The following CDKAL1 variants were observed in gnomAD, a reference collection of about 807,000 sequenced individuals.
The protein encoded by CDKAL1 is CDKAL1 threonylcarbamoyladenosine tRNA methylthiotransferase, also known as threonylcarbamoyladenosine tRNA methylthiotransferase.
A neutral mutation model predicts 68.2 loss-of-function variants in CDKAL1; 32 were observed. The ratio of observed to expected loss-of-function variants is 0.47; its 90% CI spans 0.35 to 0.63. The LOEUF is 0.63. Ranked by LOEUF, CDKAL1 falls within the 30% of genes least tolerant of loss-of-function variation. The pLI is 0.00. For missense variants in CDKAL1, 606 were observed against 696.7 expected, an observed-to-expected ratio of 0.87 and a Z score of 1.47; for synonymous variants, 234 against 244.3, an observed-to-expected ratio of 0.96 and a Z score of 0.39.
intron 11 of CDKAL1, among the ~76,000 whole-genome samples, chr6:21,004,412 AT>A (rs1767614676): frequency 6.6e-6 from 1 of 152,214 alleles, no homozygotes; most frequent in Admixed American, 6.5e-5. Context: ...GCATATGGGA[AT>A]TTATTAAATC....
At chr6:21,113,194 T>A (rs1020973188) in intron 13 of CDKAL1, among the ~76,000 whole-genome samples, 6 of 152,202 alleles carry the variant, frequency 3.9e-5, no homozygotes, top group Non-Finnish European at 5.9e-5. Context: ...ATAATTGGGA[T>A]CAGTTTACAT....
intron 5 of CDKAL1, among the ~76,000 whole-genome samples, chr6:20,698,387 C>T (rs566106965): frequency 1.3e-5 from 2 of 152,284 alleles, no homozygotes; most frequent in South Asian, 2.1e-4. Context: ...GGTACATTCC[C>T]GTTAACTCAA....
chr6:20,792,879 G>T (rs1416177012), intron 8 of CDKAL1, among the ~76,000 whole-genome samples: 1 of 152,148 alleles, frequency 6.6e-6, no homozygotes, highest in African/African-American at 2.4e-5. Context: ...AAATAATTTT[G>T]TTTTAGTCTA....
intron 9 of CDKAL1, among the ~76,000 whole-genome samples, chr6:20,949,615 TA>T (rs1307229408): frequency 6.6e-6 from 1 of 152,168 alleles, no homozygotes; most frequent in Non-Finnish European, 1.5e-5. Flanking sequence ...GGCATCATGA[TA>T]GGTCCTAGGC....
At chr6:21,224,414 T>TCAAA (rs1451906146) in intron 15 of CDKAL1, among the ~76,000 whole-genome samples, 1 of 152,056 alleles carries the variant, frequency 6.6e-6, no homozygotes, top group Non-Finnish European at 1.5e-5. Flanking sequence ...CTCGGGAGGC[T>TCAAA]CAAACAGGAG....
chr6:21,016,494 A>G (rs1768340049), intron 11 of CDKAL1, among the ~76,000 whole-genome samples: 1 of 151,896 alleles, frequency 6.6e-6, no homozygotes, highest in Admixed American at 6.6e-5. Flanking sequence ...TAAATTTCTA[A>G]TTGTGGACTC....
intron 11 of CDKAL1, among the ~76,000 whole-genome samples, chr6:21,019,114 A>G (rs1018552560): frequency 6.6e-6 from 1 of 151,950 alleles, no homozygotes; most frequent in Admixed American, 6.6e-5. Flanking sequence ...ATGCCTGGCT[A>G]ATTTTTATAT....
At chr6:21,014,498 C>T (rs1768201570) in intron 11 of CDKAL1, among the ~76,000 whole-genome samples, 1 of 151,968 alleles carries the variant, frequency 6.6e-6, no homozygotes, top group Non-Finnish European at 1.5e-5. Context: ...GTAGTCCCGG[C>T]TACTCAGGAG....
At chr6:21,220,916 CAGCACTTTGG>C (rs1427180204) in intron 15 of CDKAL1, among the ~76,000 whole-genome samples, 1 of 152,094 alleles carries the variant, frequency 6.6e-6, no homozygotes, top group Admixed American at 6.5e-5. Flanking sequence ...CCTGTAATCC[CAGCACTTTGG>C]GAGGCCGAGG....
chr6:20,685,067 AG>A (rs1396570166), intron 5 of CDKAL1, among the ~76,000 whole-genome samples: 1 of 152,178 alleles, frequency 6.6e-6, no homozygotes. Context: ...ATATCTAAAA[AG>A]TCATTGTCAA....
intron 15 of CDKAL1, among the ~76,000 whole-genome samples, chr6:21,210,347 G>A (rs1470408905): frequency 6.6e-6 from 1 of 152,090 alleles, no homozygotes; most frequent in Non-Finnish European, 1.5e-5. Context: ...AGGTGGTTAG[G>A]TCATGAGGGC....
intron 5 of CDKAL1, among the ~76,000 whole-genome samples, chr6:20,662,414 T>C (rs1056114096): frequency 5.9e-5 from 9 of 152,108 alleles, no homozygotes; most frequent in Non-Finnish European, 1.2e-4. Context: ...CTAACAGCTG[T>C]GGATCTAAAT....
chr6:21,179,185 T>A (rs765882683), intron 13 of CDKAL1, among the ~76,000 whole-genome samples: 3 of 152,114 alleles, frequency 2.0e-5, no homozygotes, highest in Non-Finnish European at 4.4e-5. Context: ...GCAAAGAAAG[T>A]CCCAGGTTTT....
rs530230495 is a variant in CDKAL1 at position 20,860,961 on chromosome 6, G to A, written c.742+14783G>A. Among the ~76,000 whole-genome samples the A allele has an allele frequency of 2.2e-5, 3 of 136,440 alleles. No homozygotes were observed. In the South Asian group the frequency reaches 6.9e-4, roughly 31 times the overall value. The allele number at this position is 136,440 out of a possible 152,430, so 89.5% of individuals were successfully genotyped here. On this transcript the variant is annotated intron_variant, in intron 9 of 15. Coordinates refer to ENST00000274695, the MANE Select transcript of CDKAL1 (RefSeq NM_017774.3). Reference sequence around the variant, plus strand: ...TTTTTTTTTTTTTTTTTTAGAGAAAGCGTAAGCGTAAATTATGTAAATGGT... The same window carrying A: ...TTTTTTTTTTTTTTTTTTAGAGAAAACGTAAGCGTAAATTATGTAAATGGT...
intron 8 of CDKAL1, among the ~76,000 whole-genome samples, chr6:20,797,098 G>A (rs925654322): frequency 1.4e-4 from 22 of 152,112 alleles, no homozygotes; most frequent in African/African-American, 3.4e-4. Context: ...CAATCTGCAG[G>A]CTGGGAGAAC....
intron 12 of CDKAL1, among the ~76,000 whole-genome samples, chr6:21,086,332 G>T (rs1390243052): frequency 6.6e-6 from 1 of 152,104 alleles, no homozygotes; most frequent in African/African-American, 2.4e-5. Context: ...AAAGTTCTGA[G>T]AAACTTAATT....
At chr6:20,711,988 T>G (rs1337014234) in intron 5 of CDKAL1, among the ~76,000 whole-genome samples, 1 of 152,196 alleles carries the variant, frequency 6.6e-6, no homozygotes, top group Non-Finnish European at 1.5e-5. Context: ...CATGACTGAC[T>G]TAGACTTTTT....
chr6:20,983,195 G>A (rs1428559485), intron 10 of CDKAL1, among the ~76,000 whole-genome samples: 1 of 152,098 alleles, frequency 6.6e-6, no homozygotes, highest in Non-Finnish European at 1.5e-5. Flanking sequence ...TTATCAGTTT[G>A]TACTTAAAAT....
intron 4 of CDKAL1, among the ~76,000 whole-genome samples, chr6:20,572,823 C>G (rs1404114245): frequency 6.6e-6 from 1 of 151,796 alleles, no homozygotes; most frequent in Non-Finnish European, 1.5e-5. Flanking sequence ...TAATTGCATA[C>G]TTTATTTCTG....
Sources: gnomAD v4.1 joint callset for allele counts (sites outside exome capture counted in the v4.1 genomes callset) on GRCh38, gnomAD v4.1.1 for gene constraint, MANE v1.5 for transcripts, NCBI Gene and HGNC (gene_info 2026-07-23, HGNC 2026-07-21) for gene names.